The following SPINK5 variants were observed in gnomAD, a reference collection of about 807,000 sequenced individuals.
SPINK5 encodes the protein serine protease inhibitor Kazal-type 5.
In SPINK5, 125 loss-of-function variants were observed where a neutral mutation model predicts 151.8. That is an observed-to-expected ratio of 0.82 (90% confidence interval 0.71 to 0.96). The LOEUF is 0.96. Among genes scored for constraint, SPINK5 ranks in the 40% least tolerant of loss-of-function variants. SPINK5 has a pLI of 0.00. For missense variants in SPINK5, 1,194 were observed against 1,291.9 expected (o/e 0.92, Z 1.16); for synonymous variants, 374 against 395.3 (o/e 0.95, Z 0.64).
intron 4 of SPINK5, among the ~76,000 whole-genome samples, chr5:148,078,107 G>C (rs4333302): frequency 0.61 from 92,226 of 150,622 alleles, 28,476 homozygotes; most frequent in East Asian, 0.79. Context: ...TAACAGATCG[G>C]TACCATGCTA....
chr5:148,118,640 T>C, intron 23 of SPINK5, 76 bp downstream of exon 23: 3 of 1,557,686 alleles, frequency 1.9e-6, no homozygotes, highest in South Asian at 2.2e-5. Flanking sequence ...TCTCATTTGC[T>C]ATGGCTCCTT....
intron 4 of SPINK5, among the ~76,000 whole-genome samples, chr5:148,077,052 T>C (rs1752900336): frequency 6.6e-6 from 1 of 151,434 alleles, no homozygotes; most frequent in Non-Finnish European, 1.5e-5. Context: ...ACAAAAATTA[T>C]TTGAAGAAAC....
intron 4 of SPINK5, among the ~76,000 whole-genome samples, chr5:148,077,637 GTATA>G (rs71001472): frequency 8.4e-4 from 114 of 135,038 alleles, no homozygotes; most frequent in African/African-American, 3.0e-3. Context: ...GTTTTATCAG[GTATA>G]TATATATATA....
At chr5:148,096,687 C>G (rs1265559581) in intron 10 of SPINK5, among the ~76,000 whole-genome samples, 1 of 151,710 alleles carries the variant, frequency 6.6e-6, no homozygotes, top group Non-Finnish European at 1.5e-5. Context: ...TCAGGCCACC[C>G]TCTGCCAGTA....
chr5:148,131,985 A>G (rs1270189639), intron 31 of SPINK5, among the ~76,000 whole-genome samples: 1 of 152,196 alleles, frequency 6.6e-6, no homozygotes, highest in African/African-American at 2.4e-5. Flanking sequence ...CACTCCCTTC[A>G]TTGGAGAAAT....
Position 148,094,412 on chromosome 5 carries a change from A to C in SPINK5, c.725A>C (p.Glu242Ala). 6.2e-7 allele frequency: 1 copy of C among 1,612,912 alleles called. No individual in the cohort carries two copies. Among genetic ancestry groups the C allele is most frequent in the Non-Finnish European group, 8.5e-7 (1 of 1,179,190 alleles). ...VRNGRLFCTR[E>A]SDPVRGPDGR... ...AATGGAAGGCTTTTTTGTACACGGG[A>C]GAGTGATCCAGTCCGTGGCCCTGAC... The change falls in exon 9 of 33, where the codon GAG becomes GCG. Residue 242 changes from glutamate (E) to alanine (A), a missense_variant. Coordinates refer to ENST00000256084, the MANE Select transcript of SPINK5 (RefSeq NM_006846.4).
At chr5:148,105,455 C>T (rs894043918) in intron 16 of SPINK5, among the ~76,000 whole-genome samples, 3 of 152,150 alleles carry the variant, frequency 2.0e-5, no homozygotes, top group Admixed American at 2.0e-4. Flanking sequence ...GGTTTTCTTG[C>T]ACCCAATTAA....
chr5:148,101,309 C>T (rs769260171), intron 13 of SPINK5, 46 bp from the exon 14 acceptor site: 41 of 1,356,918 alleles, frequency 3.0e-5, no homozygotes, highest in Middle Eastern at 1.9e-4. Flanking sequence ...TCTAATGTGG[C>T]GATTCTATGA....
intron 13 of SPINK5, among the ~76,000 whole-genome samples, 157 bp from the exon 14 acceptor site, chr5:148,101,198 C>T (rs1402282564): frequency 1.3e-5 from 2 of 152,002 alleles, no homozygotes; most frequent in Non-Finnish European, 2.9e-5. Flanking sequence ...TTTTGTAATG[C>T]AATTGTGAGG....
intron 28 of SPINK5, 161 bp downstream of exon 28, chr5:148,124,998 G>T: frequency 9.4e-7 from 1 of 1,064,514 alleles, no homozygotes; most frequent in African/African-American, 1.6e-5. Context: ...GATTTTTGGG[G>T]GTTTGGGGGT....
rs1647929859 is a variant in SPINK5, at chr5:148,100,453, G to T, written c.1093-1G>T. 6.2e-7 allele frequency: 1 copy of T among 1,611,384 alleles called. No individual in the cohort carries two copies. Among genetic ancestry groups the T allele is most frequent in the Non-Finnish European group, 8.5e-7 (1 of 1,177,906 alleles). Reference sequence around the variant, plus strand: ...CCAACTTACTTCTTCTATCTCGGCAGGAGCTTTGCAGTGAATATCGAAAGC... The same window carrying T: ...CCAACTTACTTCTTCTATCTCGGCATGAGCTTTGCAGTGAATATCGAAAGC... On this transcript the variant is annotated splice_acceptor_variant, in intron 12 of 32. Transcript: ENST00000256084. LOFTEE classifies it high-confidence loss of function.
chr5:148,118,306 C>T (rs1389090553), intron 22 of SPINK5, 131 bp from the exon 23 acceptor site: 6 of 1,386,728 alleles, frequency 4.3e-6, no homozygotes, highest in Non-Finnish European at 5.0e-6. Context: ...CATGAGCCAC[C>T]GTACCCGGCA....
intron 11 of SPINK5, among the ~76,000 whole-genome samples, chr5:148,098,220 G>A (rs1419354400): frequency 1.3e-5 from 2 of 151,962 alleles, no homozygotes; most frequent in Admixed American, 1.3e-4. Flanking sequence ...GGAATGTCCT[G>A]ACAAACATGA....
chr5:148,108,954 ATG>A, intron 18 of SPINK5, 117 bp downstream of exon 18: 1 of 1,542,610 alleles, frequency 6.5e-7, no homozygotes, highest in South Asian at 1.2e-5. Flanking sequence ...AACTGGGAAA[ATG>A]TGTTTGGATC....
chr5:148,123,681 A>C, intron 26 of SPINK5, 152 bp from the exon 27 acceptor site: 1 of 1,060,192 alleles, frequency 9.4e-7, no homozygotes, highest in African/African-American at 1.6e-5. Flanking sequence ...GTAGAGATTG[A>C]ATAAAGTGCC....
intron 20 of SPINK5, among the ~76,000 whole-genome samples, chr5:148,114,131 G>T (rs1389061695): frequency 6.6e-6 from 1 of 152,120 alleles, no homozygotes; most frequent in Non-Finnish European, 1.5e-5. Flanking sequence ...TGAGAGTCTT[G>T]TGTATGGTTG....
chr5:148,107,104 C>G lies in SPINK5; in HGVS notation c.1547C>G (p.Pro516Arg), dbSNP rs193173267. ...GTLICTREHN[P>R]VRGPDGKMHG... Reference sequence around the variant, plus strand: ...CTTATATGCACCAGGGAGCATAATCCTGTCCGTGGCCCAGATGGCAAAATG... The same window carrying G: ...CTTATATGCACCAGGGAGCATAATCGTGTCCGTGGCCCAGATGGCAAAATG... The change falls in exon 17 of 33, where the codon CCT (proline) becomes CGT (arginine). Residue 516 changes from proline (P) to arginine (R), a missense_variant. Pro to Arg is a moderately radical substitution (Grantham distance 103). Coordinates refer to ENST00000256084, the MANE Select transcript of SPINK5 (RefSeq NM_006846.4). The G allele has an allele frequency of 1.2e-6, 2 of 1,613,432 alleles. No homozygotes were observed. The highest frequency in any genetic ancestry group is 2.2e-5 in the East Asian group (1 of 44,830).
rs1754573771 is a variant in SPINK5, at chr5:148,131,535, T to TTATC, written c.3095+148_3095+151dup. The TTATC allele has an allele frequency of 6.1e-6, 7 of 1,140,156 alleles. No homozygotes were observed. The East Asian group carries it at 1.8e-4, about 29-fold the overall frequency. The allele number at this position is 1,140,156 out of a possible 1,614,324, so 70.6% of individuals were successfully genotyped here. On this transcript the variant is annotated intron_variant, in intron 31 of 32. Transcript: ENST00000256084. Reference sequence around the variant, plus strand: ...AAGTTAAAAATTCAAAATTTGTGAATTATCTTTCTTATATGTAAAATAGAA... The same window carrying TTATC: ...AAGTTAAAAATTCAAAATTTGTGAATTATCTATCTTTCTTATATGTAAAATAGAA...
chr5:148,107,577 G>A (rs1367498459), intron 17 of SPINK5, among the ~76,000 whole-genome samples: 2 of 152,154 alleles, frequency 1.3e-5, no homozygotes, highest in Admixed American at 6.5e-5. Context: ...AGTACATAAA[G>A]ACTATTAAAA....
Sources: allele counts gnomAD v4.1 joint callset (sites outside exome capture counted in the v4.1 genomes callset), GRCh38; gene constraint gnomAD v4.1.1; transcripts MANE v1.5; gene names NCBI Gene and HGNC (gene_info 2026-07-23, HGNC 2026-07-21).